The following KCTD16 variants were observed in gnomAD, a reference collection of about 807,000 sequenced individuals.
KCTD16 encodes the protein potassium channel tetramerization domain containing 16, also known as BTB/POZ domain-containing protein KCTD16.
Under a neutral mutation model 33.2 loss-of-function variants are expected in KCTD16, and 13 were observed. The ratio of observed to expected loss-of-function variants is 0.39; its 90% CI spans 0.25 to 0.62. KCTD16 has a LOEUF of 0.62. Ranked by LOEUF, KCTD16 falls within the 20% of genes least tolerant of loss-of-function variation. The pLI, the probability that KCTD16 is intolerant of heterozygous loss-of-function variation, is 0.50. For missense variants in KCTD16, 441 were observed against 525.1 expected (o/e 0.84, Z 1.57); for synonymous variants, 197 against 195.3 (o/e 1.01, Z -0.07).
chr5:144,399,580 T>C (rs1340074900), intron 3 of KCTD16, among the ~76,000 whole-genome samples: 1 of 152,196 alleles, frequency 6.6e-6, no homozygotes, highest in African/African-American at 2.4e-5. Flanking sequence ...ATTCTAAAAA[T>C]CTGATTAAAA....
chr5:144,259,114 C>CG (rs1754931201), intron 3 of KCTD16, among the ~76,000 whole-genome samples: 1 of 151,686 alleles, frequency 6.6e-6, no homozygotes, highest in Non-Finnish European at 1.5e-5. Context: ...AAAAATTAGC[C>CG]GGGGGTGGTG....
chr5:144,205,882 C>T, intron 2 of KCTD16: 1 of 242,606 alleles, frequency 4.1e-6, no homozygotes, highest in Non-Finnish European at 7.8e-6. Context: ...TAGTTATTTT[C>T]CAAGAGCACA....
At chr5:144,277,648 C>T (rs2126851995) in intron 3 of KCTD16, among the ~76,000 whole-genome samples, 1 of 152,272 alleles carries the variant, frequency 6.6e-6, no homozygotes, top group East Asian at 1.9e-4. Flanking sequence ...GCAATCCTAT[C>T]AGAATAAGAG....
intron 3 of KCTD16, among the ~76,000 whole-genome samples, chr5:144,347,765 C>T (rs935281147): frequency 6.6e-6 from 1 of 152,098 alleles, no homozygotes; most frequent in South Asian, 2.1e-4. Flanking sequence ...AGGCCCACAT[C>T]GAGGCTGAAG....
chr5:144,360,990 G>T (rs888635376), intron 3 of KCTD16, among the ~76,000 whole-genome samples: 14 of 151,344 alleles, frequency 9.3e-5, no homozygotes, highest in African/African-American at 3.4e-4. Flanking sequence ...TGCCATGCTG[G>T]TGTGCTGCAC....
At position 144,299,074 on chromosome 5, in the gene KCTD16, T is replaced by A. The variant is rs867905408; in HGVS notation, c.832+91528T>A. Among the ~76,000 whole-genome samples, 148 of 49,546 alleles carry A rather than the reference T, an allele frequency of 3.0e-3. 1 individual carries two copies. The highest frequency in any genetic ancestry group is 7.9e-3 in the Middle Eastern group (1 of 126). The allele number at this position is 49,546 out of a possible 152,430, so 32.5% of individuals were successfully genotyped here. A position where few individuals can be genotyped will look rare whatever the true frequency, so the allele number is the denominator to read the frequency against. ...TATATATATATATATATATATATATTTTTGTATATATATATCACTATGTAT... is the reference window on the plus strand; with the variant it reads ...TATATATATATATATATATATATATATTTGTATATATATATCACTATGTAT... On this transcript the variant is annotated intron_variant, in intron 3 of 3. Transcript: ENST00000512467.
At chr5:144,249,557 G>A (rs928389154) in intron 3 of KCTD16, among the ~76,000 whole-genome samples, 1 of 152,106 alleles carries the variant, frequency 6.6e-6, no homozygotes, top group African/African-American at 2.4e-5. Flanking sequence ...GGAGTTGGTG[G>A]AGAGAAAGCC....
At chr5:144,441,802 A>T (rs1580968072) in intron 3 of KCTD16, among the ~76,000 whole-genome samples, 1 of 146,836 alleles carries the variant, frequency 6.8e-6, no homozygotes, top group Admixed American at 6.8e-5. Context: ...TCTTTCAGCA[A>T]TTTTGTATCC....
At chr5:144,350,014 T>G (rs962482942) in intron 3 of KCTD16, among the ~76,000 whole-genome samples, 1 of 152,194 alleles carries the variant, frequency 6.6e-6, no homozygotes, top group Non-Finnish European at 1.5e-5. Context: ...CTGCACATTT[T>G]ATTAGGAAGG....
chr5:144,260,391 G>A (rs1217342244), intron 3 of KCTD16, among the ~76,000 whole-genome samples: 1 of 152,190 alleles, frequency 6.6e-6, no homozygotes, highest in Non-Finnish European at 1.5e-5. Flanking sequence ...GATTTCAAGG[G>A]TAAAGTAGTT....
intron 3 of KCTD16, among the ~76,000 whole-genome samples, chr5:144,317,942 G>T (rs766135982): frequency 6.6e-6 from 1 of 152,222 alleles, no homozygotes; most frequent in African/African-American, 2.4e-5. Context: ...CGGAGTCTAT[G>T]CCCGCACTTG....
Position 144,206,378 on chromosome 5 carries a change from T to C in KCTD16, c.-326-11T>C, listed in dbSNP as rs984619369. The C allele has an allele frequency of 4.6e-6, 1 of 218,410 alleles. No homozygotes were observed. Among genetic ancestry groups the C allele is most frequent in the African/African-American group, 2.3e-5 (1 of 43,894 alleles). The allele number at this position is 218,410 out of a possible 1,614,324, so 13.5% of individuals were successfully genotyped here. On this transcript the variant is annotated splice_polypyrimidine_tract_variant and intron_variant, in intron 2 of 3. Coordinates refer to ENST00000512467, the MANE Select transcript of KCTD16 (RefSeq NM_020768.4). ...AGGTTTGAGGAAATAATTTTTTCTC[T>C]TTTCCTTCAGACGGACATCTGAGTA...
chr5:144,418,817 A>G (rs1473410102), intron 3 of KCTD16, among the ~76,000 whole-genome samples: 1 of 152,140 alleles, frequency 6.6e-6, no homozygotes, highest in Non-Finnish European at 1.5e-5. Flanking sequence ...GAAGAGATGT[A>G]TATCGAGTTG....
chr5:144,439,771 A>G (rs1395811998), intron 3 of KCTD16, among the ~76,000 whole-genome samples: 2 of 152,090 alleles, frequency 1.3e-5, no homozygotes, highest in Non-Finnish European at 2.9e-5. Flanking sequence ...AGCGTCTGAG[A>G]TTAAGATCAT....
chr5:144,334,161 G>T (rs1393346158), intron 3 of KCTD16, among the ~76,000 whole-genome samples: 1 of 152,164 alleles, frequency 6.6e-6, no homozygotes, highest in Non-Finnish European at 1.5e-5. Context: ...GTTATGAAGG[G>T]TTCATCAACA....
chr5:144,470,377 G>C (rs1323269124), intron 3 of KCTD16, among the ~76,000 whole-genome samples: 1 of 152,104 alleles, frequency 6.6e-6, no homozygotes, highest in Admixed American at 6.6e-5. Flanking sequence ...GAAAAGATAT[G>C]GGGTGGTTAT....
rs759524715 is a variant in KCTD16 at position 144,206,904 on chromosome 5, G to A, written c.190G>A (p.Asp64Asn). The change falls in exon 3 of 4, where the codon GAT becomes AAT. Residue 64 changes from aspartate to asparagine, a missense_variant. Asp to Asn is a conservative substitution (Grantham distance 23). This residue lies in a region of KCTD16 where 80 missense variants were observed against 88.5 expected (regional missense o/e 0.90). Transcript: ENST00000512467. ...TTCCCCAAAGAGAGACACGGCTAAT[G>A]ATCTAGCCAAGGACTCCAAGGGAAG... The part of the protein sequence containing the change: ...MFSPKRDTAN[D>N]LAKDSKGRFF... 1 of 1,614,154 alleles carries A rather than the reference G, an allele frequency of 6.2e-7. No individual in the cohort carries two copies. The highest frequency in any genetic ancestry group is 8.5e-7 in the Non-Finnish European group (1 of 1,180,026).
chr5:144,289,134 A>G (rs1755828271), intron 3 of KCTD16, among the ~76,000 whole-genome samples: 1 of 152,222 alleles, frequency 6.6e-6, no homozygotes, highest in Admixed American at 6.5e-5. Context: ...TGGCATAACT[A>G]CTTGTACCTT....
chr5:144,402,833 C>T (rs1580934785), intron 3 of KCTD16, among the ~76,000 whole-genome samples: 1 of 152,176 alleles, frequency 6.6e-6, no homozygotes, highest in Non-Finnish European at 1.5e-5. Flanking sequence ...GCTACTGTAA[C>T]AAATTGCCAT....
Sources: gnomAD v4.1 joint callset for allele counts (sites outside exome capture counted in the v4.1 genomes callset) on GRCh38, gnomAD v4.1.1 for gene constraint, gnomAD v4.1.1 regional missense constraint, MANE v1.5 for transcripts, NCBI Gene and HGNC (gene_info 2026-07-23, HGNC 2026-07-21) for gene names.